MARK2: variants seen among roughly 807,000 people sequenced by gnomAD.
MARK2 encodes the protein serine/threonine-protein kinase MARK2.
In MARK2, 16 loss-of-function variants were observed where a neutral mutation model predicts 89.8. The observed-to-expected ratio is 0.18, with a 90% CI of 0.12 to 0.27. The LOEUF is 0.27. Ranked by LOEUF, MARK2 falls within the 10% of genes least tolerant of loss-of-function variation. MARK2 has a pLI of 1.00. For missense variants in MARK2, 621 were observed against 1,049.9 expected (o/e 0.59, Z 5.65); for synonymous variants, 382 against 399.5 (o/e 0.96, Z 0.52).
intron 1 of MARK2, among the ~76,000 whole-genome samples, chr11:63,870,004 A>G (rs1033677918): frequency 1.3e-5 from 2 of 152,246 alleles, no homozygotes; most frequent in South Asian, 4.1e-4. Context: ...CCAAGGTGAC[A>G]TAAATTGTTT....
intron 1 of MARK2, among the ~76,000 whole-genome samples, chr11:63,893,612 G>C (rs1338809760): frequency 6.6e-6 from 1 of 152,006 alleles, no homozygotes; most frequent in African/African-American, 2.4e-5. Context: ...GCACTTTGAG[G>C]AATGTACACG....
chr11:63,839,978 C>T (rs1251275453), intron 1 of MARK2, among the ~76,000 whole-genome samples: 1 of 152,180 alleles, frequency 6.6e-6, no homozygotes, highest in Non-Finnish European at 1.5e-5. Flanking sequence ...GTCTCTCCTG[C>T]CTCGCTTCCC....
At chr11:63,886,920 T>C (rs1488380908) in intron 1 of MARK2, among the ~76,000 whole-genome samples, 1 of 152,244 alleles carries the variant, frequency 6.6e-6, no homozygotes, top group Non-Finnish European at 1.5e-5. Flanking sequence ...TTGATCCTGC[T>C]CTGGTTCTCA....
chr11:63,860,335 C>T (rs11231620), intron 1 of MARK2, among the ~76,000 whole-genome samples: 13,943 of 151,790 alleles, frequency 0.092, 814 homozygotes, highest in South Asian at 0.22. Context: ...GGGTGGATCA[C>T]GAGGTCAGGA....
At chr11:63,907,124 T>A (rs1416702277) in intron 17 of MARK2, among the ~76,000 whole-genome samples, 2 of 152,182 alleles carry the variant, frequency 1.3e-5, no homozygotes, top group African/African-American at 2.4e-5. Context: ...TAAGAGTGCT[T>A]GTTCCCCAAG....
chr11:63,908,367 T>C, intron 18 of MARK2, 63 bp downstream of exon 18: 1 of 1,354,802 alleles, frequency 7.4e-7, no homozygotes, highest in South Asian at 1.2e-5. Flanking sequence ...AGCCTCCTGC[T>C]CCTCTCTTCC....
rs573695099 is a variant in MARK2, at chr11:63,872,770, T to C, written c.55-22389T>C. Among the ~76,000 whole-genome samples, 9 of 152,280 alleles carry C rather than the reference T, an allele frequency of 5.9e-5. No individual in the cohort carries two copies. In the East Asian group the frequency reaches 1.7e-3, roughly 29 times the overall value. On this transcript the variant is annotated intron_variant, in intron 1 of 18. Coordinates refer to ENST00000402010, the MANE Select transcript of MARK2 (RefSeq NM_001039469.3). ...TGGTTGGCTCTGTAGTGCCCAGAGA[T>C]TGGAGCTCCTGCAACGGGAACCCCG...
intron 1 of MARK2, among the ~76,000 whole-genome samples, chr11:63,877,229 G>A (rs1398859998): frequency 3.4e-5 from 5 of 148,320 alleles, no homozygotes; most frequent in African/African-American, 9.9e-5. Context: ...TCCCACCTGG[G>A]CCTCCTGAGT....
intron 1 of MARK2, among the ~76,000 whole-genome samples, chr11:63,848,407 A>G (rs902548843): frequency 5.3e-5 from 8 of 152,026 alleles, no homozygotes; most frequent in Middle Eastern, 3.4e-3. Flanking sequence ...TTTTTTTGAG[A>G]CGGAGTCTTG....
At chr11:63,899,660 T>C (rs988787769) in intron 7 of MARK2, among the ~76,000 whole-genome samples, 1 of 152,150 alleles carries the variant, frequency 6.6e-6, no homozygotes, top group Admixed American at 6.5e-5. Context: ...AGATCCCATC[T>C]CTCCCATGGC....
chr11:63,842,504 C>T lies in MARK2; in HGVS notation c.54+2944C>T, dbSNP rs565997427. Among the ~76,000 whole-genome samples the T allele has an allele frequency of 5.9e-5, 9 of 152,212 alleles. No homozygotes were observed. In the East Asian group the frequency reaches 1.7e-3, roughly 29 times the overall value. ...TACAGGTGTGAGCCACTGCGCCGGG[C>T]CTGATTCCTGTATTCTTTAAAACGG... is the stretch of plus-strand genomic sequence containing the variant. On this transcript the variant is annotated intron_variant, in intron 1 of 18. Transcript: ENST00000402010.
In MARK2 at chr11:63,904,311, A is replaced by G. The variant is rs550281101; in HGVS notation, c.1676+164A>G. On this transcript the variant is annotated intron_variant, in intron 15 of 18. Coordinates refer to ENST00000402010, the MANE Select transcript of MARK2 (RefSeq NM_001039469.3). This position sits in a 1 kb window ranked among gnomAD's most constrained non-coding sequence, Gnocchi z 6.3. ...GGCCAGGAAGTGGAGGGAACAAAAA[A>G]GAGCATTAATGCCCCTCTTTTCCAG... is the stretch of plus-strand genomic sequence containing the variant. Among the ~76,000 whole-genome samples the G allele has an allele frequency of 3.3e-5, 5 of 152,320 alleles. No homozygotes were observed. The East Asian group carries it at 9.7e-4, about 29-fold the overall frequency.
chr11:63,909,292 C>G lies in MARK2; in HGVS notation c.*55C>G. 1 of 1,478,888 alleles carries G rather than the reference C, an allele frequency of 6.8e-7. No individual in the cohort carries two copies. The highest frequency in any genetic ancestry group is 9.0e-7 in the Non-Finnish European group (1 of 1,111,066). 91.6% of individuals were successfully genotyped at this position (1,478,888 alleles called of 1,614,324 possible). On this transcript the variant is annotated 3_prime_UTR_variant, in exon 19 of 19. Transcript: ENST00000402010. ...CGGGCCAGCTGGACGGGCTGCCGGC[C>G]GCTGCGCCGCCCCACCTGGGCGAGA...
intron 1 of MARK2, chr11:63,868,603 G>A (rs1938263850): frequency 2.8e-6 from 1 of 353,522 alleles, no homozygotes; most frequent in Admixed American, 3.6e-5. Context: ...ATGCACTGCT[G>A]AGGAAATCGT....
intron 1 of MARK2, among the ~76,000 whole-genome samples, chr11:63,869,906 A>G (rs1938352027): frequency 6.6e-6 from 1 of 151,332 alleles, no homozygotes; most frequent in Non-Finnish European, 1.5e-5. Flanking sequence ...GGGCTGTCGC[A>G]TCCATACAGG....
Position 63,908,245 on chromosome 11 carries a change from GCT to G in MARK2, c.1962-12_1962-11del. On this transcript the variant is annotated splice_polypyrimidine_tract_variant and intron_variant, in intron 17 of 18. Coordinates refer to ENST00000402010, the MANE Select transcript of MARK2 (RefSeq NM_001039469.3). ...AGATCCCAGCACTAAACTCTCCCTC[GCT>G]CTGTTTTTTGAGGAACCTGAATGAA... is the stretch of plus-strand genomic sequence containing the variant. 1 of 1,556,222 alleles carries G rather than the reference GCT, an allele frequency of 6.4e-7. No homozygotes were observed. Among genetic ancestry groups the G allele is most frequent in the Non-Finnish European group, 8.7e-7 (1 of 1,149,040 alleles).
chr11:63,856,768 GTTTTTTTTTTTT>G lies in MARK2; in HGVS notation c.54+17234_54+17245del, dbSNP rs71039681. 9.9e-4 allele frequency among the ~76,000 whole-genome samples: 53 copies of G among 53,804 alleles called. 1 individual carries two copies. The highest frequency in any genetic ancestry group is 3.2e-3 in the African/African-American group (44 of 13,646). The allele number at this position is 53,804 out of a possible 152,430, so 35.3% of individuals were successfully genotyped here. On this transcript the variant is annotated intron_variant, in intron 1 of 18. Transcript: ENST00000402010. The stretch of plus-strand genomic sequence containing the variant: ...TTTTTTCCATTTTTAAATTTTTCAT[GTTTTTTTTTTTT>G]TTTTTTTTTTTTTTTTTTTTTTTTT...
chr11:63,881,530 G>A (rs1167104885), intron 1 of MARK2, among the ~76,000 whole-genome samples: 1 of 152,174 alleles, frequency 6.6e-6, no homozygotes, highest in African/African-American at 2.4e-5. Context: ...TGTTCCCTAA[G>A]TATTGTAACA....
At chr11:63,878,384 T>TG (rs1938898037) in intron 1 of MARK2, among the ~76,000 whole-genome samples, 1 of 95,824 alleles carries the variant, frequency 1.0e-5, no homozygotes, top group African/African-American at 4.0e-5. Flanking sequence ...TTTTTTTTTT[T>TG]GAGACAGAGT....
Sources: allele counts gnomAD v4.1 joint callset (sites outside exome capture counted in the v4.1 genomes callset), GRCh38; gene constraint gnomAD v4.1.1; non-coding constraint Gnocchi (gnomAD v3.1); transcripts MANE v1.5; gene names NCBI Gene and HGNC (gene_info 2026-07-23, HGNC 2026-07-21).